CBR4: variants seen among roughly 807,000 people sequenced by gnomAD.
The protein encoded by CBR4 is carbonyl reductase 4.
Under a neutral mutation model 21.0 loss-of-function variants are expected in CBR4, and 22 were observed. That is an observed-to-expected ratio of 1.05 (90% CI 0.75 to 1.50). The LOEUF (loss-of-function observed/expected upper bound fraction) is 1.50, where lower values mean the gene tolerates loss of function less well. Ranked by LOEUF, CBR4 falls within the 40% of genes most tolerant of loss-of-function variation. CBR4 has a pLI of 0.00. For synonymous variants in CBR4, 100 were observed against 104.4 expected (o/e 0.96, Z 0.26); for missense variants, 302 against 286.3 (o/e 1.05, Z -0.40).
intron 2 of CBR4, among the ~76,000 whole-genome samples, chr4:168,929,518 A>G (rs1297927364): frequency 6.6e-6 from 1 of 152,206 alleles, no homozygotes; most frequent in African/African-American, 2.4e-5. Context: ...ATGAACATGC[A>G]TAACATGACA....
At chr4:168,929,008 G>T (rs181819752) in intron 2 of CBR4, among the ~76,000 whole-genome samples, 282 of 152,296 alleles carry the variant, frequency 1.9e-3, no homozygotes, top group Non-Finnish European at 3.3e-3. Flanking sequence ...TACACCAGAG[G>T]ATGGGGATAT....
At chr4:168,947,083 A>G (rs2126692217) in intron 2 of CBR4, among the ~76,000 whole-genome samples, 2 of 152,256 alleles carry the variant, frequency 1.3e-5, no homozygotes, top group South Asian at 4.1e-4. Context: ...AAGTCCCTCT[A>G]CATGCCTCAT....
intron 2 of CBR4, among the ~76,000 whole-genome samples, chr4:168,936,813 G>C (rs1763125452): frequency 6.6e-6 from 1 of 152,180 alleles, no homozygotes; most frequent in Non-Finnish European, 1.5e-5. Flanking sequence ...CGTTTGACTA[G>C]TGCACCTGAA....
chr4:168,919,864 T>G (rs1230196337), intron 2 of CBR4, among the ~76,000 whole-genome samples: 1 of 152,188 alleles, frequency 6.6e-6, no homozygotes, highest in African/African-American at 2.4e-5. Context: ...ATGCTGTCTT[T>G]ACTTAGCCAG....
At chr4:168,896,443 A>G (rs1755188918) in intron 2 of CBR4, 1 of 714,032 alleles carries the variant, frequency 1.4e-6, no homozygotes, top group Non-Finnish European at 2.5e-6. Context: ...TTACTACCAA[A>G]CGCATATTGC....
chr4:168,909,921 C>T (rs1035095059), intron 2 of CBR4, among the ~76,000 whole-genome samples: 13 of 152,110 alleles, frequency 8.5e-5, no homozygotes, highest in African/African-American at 2.9e-4. Flanking sequence ...TTTGGATGCT[C>T]TCTAAATGCT....
chr4:168,977,785 C>T (rs1241654155), intron 2 of CBR4, among the ~76,000 whole-genome samples: 1 of 152,234 alleles, frequency 6.6e-6, no homozygotes, highest in Non-Finnish European at 1.5e-5. Context: ...GGCGCCACCA[C>T]TCATCCAGAT....
intron 2 of CBR4, among the ~76,000 whole-genome samples, chr4:168,925,804 C>A (rs1002046175): frequency 6.6e-6 from 1 of 152,118 alleles, no homozygotes; most frequent in Non-Finnish European, 1.5e-5. Flanking sequence ...CCCTACTGTA[C>A]GATTCCTTTC....
In CBR4 at chr4:168,921,598, G is replaced by A; in HGVS notation, n.170-26833C>T. The stretch of plus-strand genomic sequence containing the variant: ...GATGGAAAGCCCGTACGCCCTGACA[G>A]TGCTCACAAGATGCTGGTGCGTGAG... On this transcript the variant is annotated intron_variant and non_coding_transcript_variant, in intron 2 of 3. Transcript: ENST00000509108. The A allele has an allele frequency of 6.2e-7, 1 of 1,610,308 alleles. No individual in the cohort carries two copies. Among genetic ancestry groups the A allele is most frequent in the South Asian group, 1.1e-5 (1 of 90,700 alleles).
chr4:168,970,718 G>A (rs1254163889), intron 2 of CBR4, among the ~76,000 whole-genome samples: 1 of 151,432 alleles, frequency 6.6e-6, no homozygotes, highest in African/African-American at 2.4e-5. Flanking sequence ...GAGAACATAT[G>A]ATGTTTGGTT....
chr4:168,935,859 C>T (rs998426330), intron 2 of CBR4, among the ~76,000 whole-genome samples: 3 of 152,204 alleles, frequency 2.0e-5, no homozygotes, highest in African/African-American at 7.2e-5. Flanking sequence ...AACATTCCTG[C>T]CTGCCAGCTC....
chr4:168,936,897 C>A (rs1360715614), intron 2 of CBR4, among the ~76,000 whole-genome samples: 2 of 152,114 alleles, frequency 1.3e-5, no homozygotes, highest in African/African-American at 4.8e-5. Flanking sequence ...CCCAACCTAG[C>A]AAGATAGGCC....
At chr4:168,942,804 G>T (rs566566002) in intron 2 of CBR4, among the ~76,000 whole-genome samples, 16 of 152,064 alleles carry the variant, frequency 1.1e-4, no homozygotes, top group Admixed American at 6.5e-4. Flanking sequence ...TAAAAAATAG[G>T]CAAGGGATCT....
intron 2 of CBR4, among the ~76,000 whole-genome samples, chr4:168,955,009 A>G (rs929106094): frequency 2.8e-4 from 42 of 152,286 alleles, no homozygotes; most frequent in African/African-American, 9.6e-4. Flanking sequence ...TAAATGAACA[A>G]GAAATAGAAT....
At chr4:168,932,771 T>C (rs1418790680) in intron 2 of CBR4, among the ~76,000 whole-genome samples, 1 of 152,056 alleles carries the variant, frequency 6.6e-6, no homozygotes, top group East Asian at 1.9e-4. Context: ...AGAAATAATA[T>C]ATTCAATGTA....
intron 2 of CBR4, among the ~76,000 whole-genome samples, chr4:168,919,465 C>T (rs1225588900): frequency 6.7e-6 from 1 of 149,678 alleles, no homozygotes; most frequent in Non-Finnish European, 1.5e-5. Context: ...GCGGAGGTTG[C>T]AGTAAGCTGA....
downstream of CBR4, among the ~76,000 whole-genome samples, chr4:168,986,025 T>A (rs142507558): frequency 6.6e-6 from 1 of 150,888 alleles, no homozygotes; most frequent in Non-Finnish European, 1.5e-5. Flanking sequence ...TTTACCCATA[T>A]AACAAACCTA....
In CBR4 at chr4:168,913,978, G is replaced by A. The variant is rs1190472798; in HGVS notation, n.170-19213C>T. ...AATGGTACAGGCTGTCAACCAAAGA[G>A]GTCGAAGTCCCCGGTCTCCCTCAGG... On this transcript the variant is annotated intron_variant and non_coding_transcript_variant, in intron 2 of 3. Coordinates refer to the CBR4 transcript ENST00000509108. The A allele has an allele frequency of 6.2e-7, 1 of 1,613,366 alleles. No homozygotes were observed. The highest frequency in any genetic ancestry group is 1.1e-5 in the South Asian group (1 of 91,058).
intron 2 of CBR4, among the ~76,000 whole-genome samples, chr4:168,965,591 A>G (rs1023982789): frequency 6.6e-6 from 1 of 152,236 alleles, no homozygotes; most frequent in Admixed American, 6.5e-5. Flanking sequence ...CTCAGAAATA[A>G]CACCACACAT....
Sources: allele counts gnomAD v4.1 joint callset (sites outside exome capture counted in the v4.1 genomes callset), GRCh38; gene constraint gnomAD v4.1.1; transcripts MANE v1.5; gene names NCBI Gene and HGNC (gene_info 2026-07-23, HGNC 2026-07-21).